Variants in FBXL18 observed in about 807,000 individuals in gnomAD.
FBXL18 encodes the protein F-box and leucine rich repeat protein 18, also known as F-box/LRR-repeat protein 18.
FBXL18 carries 36 observed loss-of-function variants against 46.0 expected under a neutral mutation model. That is an observed-to-expected ratio of 0.78 (90% CI 0.60 to 1.03). The LOEUF (loss-of-function observed/expected upper bound fraction) is 1.03. Among genes scored for constraint, FBXL18 ranks in the 50% least tolerant of loss-of-function variants. The pLI is 0.00. For missense variants in FBXL18, 977 were observed against 1,004.1 expected (o/e 0.97, Z 0.36); for synonymous variants, 557 against 465.3 (o/e 1.20, Z -2.54).
intron 4 of FBXL18, among the ~76,000 whole-genome samples, chr7:5,488,663 G>C (rs935301018): frequency 6.6e-6 from 1 of 152,214 alleles, no homozygotes; most frequent in Non-Finnish European, 1.5e-5. Flanking sequence ...TAGGTGCACA[G>C]TCGCAGCCTC....
At chr7:5,460,081 G>C (rs1032541266) in intron 4 of FBXL18, among the ~76,000 whole-genome samples, 1 of 151,942 alleles carries the variant, frequency 6.6e-6, no homozygotes, top group African/African-American at 2.4e-5. Context: ...GCAACATAGT[G>C]AGACCCCATC....
chr7:5,507,473 G>T (rs1285909591), intron 1 of FBXL18, among the ~76,000 whole-genome samples: 1 of 152,066 alleles, frequency 6.6e-6, no homozygotes, highest in East Asian at 1.9e-4. Context: ...GGCCCGTAAG[G>T]ACCCATGAGG....
At chr7:5,511,894 C>G (rs1228400412) in intron 1 of FBXL18, among the ~76,000 whole-genome samples, 1 of 151,796 alleles carries the variant, frequency 6.6e-6, no homozygotes, top group East Asian at 1.9e-4. Flanking sequence ...CCAGCCTGAG[C>G]AACACAGTCA....
chr7:5,461,173 T>G (rs745599230), intron 4 of FBXL18, among the ~76,000 whole-genome samples: 8 of 152,168 alleles, frequency 5.3e-5, no homozygotes, highest in African/African-American at 1.4e-4. Flanking sequence ...GCTCAGCAGC[T>G]CAGGGATAGG....
intron 4 of FBXL18, chr7:5,489,178 G>A (rs1304698974): frequency 2.0e-6 from 1 of 500,694 alleles, no homozygotes; most frequent in Admixed American, 2.0e-5. Flanking sequence ...GGACAGCACT[G>A]AGAATAATCA....
At chr7:5,483,249 T>C (rs1188385218) in intron 4 of FBXL18, among the ~76,000 whole-genome samples, 1 of 151,794 alleles carries the variant, frequency 6.6e-6, no homozygotes, top group Non-Finnish European at 1.5e-5. Context: ...GAGACCAGCC[T>C]GGCCAACATG....
chr7:5,513,589 G>A, intron 1 of FBXL18, 68 bp downstream of exon 1: 1 of 1,572,442 alleles, frequency 6.4e-7, no homozygotes, highest in Non-Finnish European at 8.7e-7. Flanking sequence ...CCCGGGTCGG[G>A]ATGGAAGAAC....
chr7:5,486,062 AAAATAAAT>A (rs36047680), intron 4 of FBXL18, among the ~76,000 whole-genome samples: 65,542 of 139,398 alleles, frequency 0.47, 15,769 homozygotes, highest in East Asian at 0.67. Context: ...CTGTCTCAAA[AAAATAAAT>A]AAATAAATAA....
rs571301335 is a variant in FBXL18 at position 5,484,639 on chromosome 7, A to ATT, written c.2001-2710_2001-2709dup. ...CACACATCACCACACTGACCAGCTAATTTTTTTTTTTTTTTTTGAGACGCA... is the reference window on the plus strand; with the variant it reads ...CACACATCACCACACTGACCAGCTAATTTTTTTTTTTTTTTTTTTGAGACGCA... On this transcript the variant is annotated intron_variant, in intron 4 of 4. Transcript: ENST00000382368. Among the ~76,000 whole-genome samples the ATT allele has an allele frequency of 4.8e-3, 667 of 137,630 alleles. 13 individuals carry two copies. The highest frequency in any genetic ancestry group is 0.013 in the African/African-American group (481 of 36,886). The allele number at this position is 137,630 out of a possible 152,430, so 90.3% of individuals were successfully genotyped here. A position where few individuals can be genotyped will look rare whatever the true frequency, so the allele number is the denominator to read the frequency against.
chr7:5,483,310 G>A (rs368067696), intron 4 of FBXL18, among the ~76,000 whole-genome samples: 8 of 151,544 alleles, frequency 5.3e-5, no homozygotes, highest in African/African-American at 9.7e-5. Flanking sequence ...GCAGGATGGC[G>A]GGTGCCTGTA....
Position 5,491,352 on chromosome 7 carries a change from T to C in FBXL18, c.1879A>G (p.Thr627Ala), listed in dbSNP as rs1337820305. The C allele has an allele frequency of 6.2e-7, 1 of 1,610,604 alleles. No individual in the cohort carries two copies. The highest frequency in any genetic ancestry group is 1.7e-5 in the Admixed American group (1 of 59,554). ...QRLCLVSRSG[T>A]LQPDAVLAFM... ...GCCAGCACGGCATCGGGCTGGAGGGTGCCGCTGCGAGAGACCAGGCACAGG... is the reference window on the plus strand; with the variant it reads ...GCCAGCACGGCATCGGGCTGGAGGGCGCCGCTGCGAGAGACCAGGCACAGG... The change falls in exon 4 of 5, where the codon ACC (threonine) becomes GCC (alanine). Residue 627 changes from threonine to alanine, a missense_variant. Physicochemically the swap from Thr to Ala is moderately conservative, Grantham distance 58. Coordinates refer to ENST00000382368, the MANE Select transcript of FBXL18 (RefSeq NM_024963.6).
In FBXL18 at chr7:5,513,797, T is replaced by A. The variant is rs976956229; in HGVS notation, c.-123A>T. 1.5e-6 allele frequency: 2 copies of A among 1,356,332 alleles called. No homozygotes were observed. Among genetic ancestry groups the A allele is most frequent in the Non-Finnish European group, 2.0e-6 (2 of 1,003,316 alleles). 84.0% of individuals were successfully genotyped at this position (1,356,332 alleles called of 1,614,324 possible). ...ACCGAGACCCCGGCAAGGAGCGGGCTCTCGTCACTTCCGGCGCCCGCCTAC... is the reference window on the plus strand; with the variant it reads ...ACCGAGACCCCGGCAAGGAGCGGGCACTCGTCACTTCCGGCGCCCGCCTAC... On this transcript the variant is annotated 5_prime_UTR_variant, in exon 1 of 5. Coordinates refer to ENST00000382368, the MANE Select transcript of FBXL18 (RefSeq NM_024963.6).
At chr7:5,492,767 G>A (rs568131016) in intron 3 of FBXL18, among the ~76,000 whole-genome samples, 2 of 152,230 alleles carry the variant, frequency 1.3e-5, no homozygotes, top group South Asian at 4.2e-4. Flanking sequence ...AGAGACTGGG[G>A]CCACGTGTCC....
intron 4 of FBXL18, among the ~76,000 whole-genome samples, chr7:5,483,245 A>G (rs1356152077): frequency 6.6e-6 from 1 of 151,934 alleles, no homozygotes; most frequent in East Asian, 1.9e-4. Flanking sequence ...GTTTGAGACC[A>G]GCCTGGCCAA....
chr7:5,493,272 C>T (rs1219754567), intron 3 of FBXL18, among the ~76,000 whole-genome samples: 2 of 152,170 alleles, frequency 1.3e-5, no homozygotes, highest in African/African-American at 4.8e-5. Context: ...GACTTCGAGG[C>T]TGCAGTGAGC....
In FBXL18 at chr7:5,465,231, T is replaced by G. The variant is rs531713200; in HGVS notation, c.2001-17388A>C. On this transcript the variant is annotated intron_variant and NMD_transcript_variant, in intron 4 of 6. Coordinates refer to the FBXL18 transcript ENST00000415009. ...TTGATTATTTTTTTTGAGACGGTCG[T>G]GCTCTGTCGCCCAGGCTGCAGTGCA... Among the ~76,000 whole-genome samples the G allele has an allele frequency of 2.6e-5, 4 of 152,218 alleles. No individual in the cohort carries two copies. The East Asian group carries it at 5.8e-4, about 22-fold the overall frequency.
downstream of FBXL18, among the ~76,000 whole-genome samples, chr7:5,473,628 G>A (rs1584191630): frequency 2.9e-5 from 1 of 35,010 alleles, no homozygotes; most frequent in Admixed American, 2.9e-4. Flanking sequence ...TGGGCATGGT[G>A]GCACATGCCT....
chr7:5,500,889 G>A lies in FBXL18; in HGVS notation c.1380C>T (p.Pro460=), dbSNP rs1265977415. 3 of 1,590,848 alleles carry A rather than the reference G, an allele frequency of 1.9e-6. No individual in the cohort carries two copies. The highest frequency in any genetic ancestry group is 2.6e-6 in the Non-Finnish European group (3 of 1,166,982). The change falls in exon 3 of 5, where the codon CCC becomes CCT. Residue 460 remains proline (P), a synonymous_variant. Coordinates refer to ENST00000382368, the MANE Select transcript of FBXL18 (RefSeq NM_024963.6). The part of the protein sequence containing the change: ...KKVRVGVQSC[P]SPFSGQACPQ... Reference sequence around the variant, plus strand: ...GGCACGCCTGGCCCGAGAAGGGGCTGGGACAGGACTGCACGCCCACACGCA... The same window carrying A: ...GGCACGCCTGGCCCGAGAAGGGGCTAGGACAGGACTGCACGCCCACACGCA...
chr7:5,469,387 G>C lies in FBXL18; in HGVS notation c.2001-21544C>G, dbSNP rs537456765. Among the ~76,000 whole-genome samples the C allele has an allele frequency of 4.6e-5, 7 of 152,322 alleles. No individual in the cohort carries two copies. In the East Asian group the frequency reaches 1.3e-3, roughly 29 times the overall value. ...AGATCGTGCCACTGCACTCCAGCCT[G>C]GGTAACAGGGCAAGACTGTCTCAAA... On this transcript the variant is annotated intron_variant and NMD_transcript_variant, in intron 4 of 6. Transcript: ENST00000415009.
Sources: gnomAD v4.1 joint callset for allele counts (sites outside exome capture counted in the v4.1 genomes callset) on GRCh38, gnomAD v4.1.1 for gene constraint, MANE v1.5 for transcripts, NCBI Gene and HGNC (gene_info 2026-07-23, HGNC 2026-07-21) for gene names.